The following TMTC3 variants were observed in gnomAD, a reference collection of about 807,000 sequenced individuals.
TMTC3 encodes transmembrane O-mannosyltransferase targeting cadherins 3, also known as protein O-mannosyl-transferase TMTC3.
In TMTC3, 52 loss-of-function variants were observed where a neutral mutation model predicts 92.2. The observed-to-expected ratio is 0.56, with a 90% CI of 0.45 to 0.71. TMTC3 has a LOEUF of 0.71. TMTC3 is among the 30% of genes least tolerant of loss of function. The probability of loss-of-function intolerance (pLI) is 0.00; values close to 1 mark genes in which losing one functional copy is unlikely to be tolerated. For synonymous variants in TMTC3, 339 were observed against 363.3 expected, an observed-to-expected ratio of 0.93 and a Z score of 0.76; for missense variants, 896 against 1,057.1, an observed-to-expected ratio of 0.85 and a Z score of 2.11.
intron 7 of TMTC3, among the ~76,000 whole-genome samples, chr12:88,171,917 A>G (rs2041209237): frequency 6.6e-6 from 1 of 152,040 alleles, no homozygotes; most frequent in Admixed American, 6.6e-5. Context: ...ATGACATCTC[A>G]TTGTGGTTTT....
chr12:88,184,079 G>A (rs750931328), intron 10 of TMTC3, among the ~76,000 whole-genome samples: 2 of 152,142 alleles, frequency 1.3e-5, no homozygotes, highest in Non-Finnish European at 2.9e-5. Context: ...ATGGATGAAA[G>A]AAGTACACTG....
At chr12:88,171,375 C>G (rs1442016960) in intron 7 of TMTC3, among the ~76,000 whole-genome samples, 2 of 152,110 alleles carry the variant, frequency 1.3e-5, no homozygotes, top group African/African-American at 2.4e-5. Flanking sequence ...CCTTCTCCCT[C>G]CAACCCTGGT....
chr12:88,183,999 G>A (rs148272473), intron 10 of TMTC3, among the ~76,000 whole-genome samples: 21 of 152,094 alleles, frequency 1.4e-4, no homozygotes, highest in African/African-American at 4.3e-4. Context: ...GGGTTCCATC[G>A]CAATCCATTG....
intron 6 of TMTC3, among the ~76,000 whole-genome samples, chr12:88,166,001 A>G (rs2041139144): frequency 6.6e-6 from 1 of 152,296 alleles, no homozygotes; most frequent in African/African-American, 2.4e-5. Flanking sequence ...TTTTGTTACT[A>G]CTTTTAATCA....
At chr12:88,150,598 A>AAAT (rs2040930964) in intron 2 of TMTC3, among the ~76,000 whole-genome samples, 1 of 152,194 alleles carries the variant, frequency 6.6e-6, no homozygotes, top group African/African-American at 2.4e-5. Flanking sequence ...ACAGTTTATT[A>AAAT]AGAGTGAAGA....
intron 2 of TMTC3, 86 bp from the exon 3 acceptor site, chr12:88,153,205 A>T (rs2468229): frequency 1.4e-6 from 1 of 725,212 alleles, no homozygotes; most frequent in South Asian, 2.2e-5. Flanking sequence ...AGATATTAAT[A>T]TCTTTAATGG....
chr12:88,158,779 C>T (rs1236593489), intron 4 of TMTC3, among the ~76,000 whole-genome samples: 1 of 152,088 alleles, frequency 6.6e-6, no homozygotes, highest in Non-Finnish European at 1.5e-5. Flanking sequence ...CGGCCGGGCA[C>T]AGTGGCTCAC....
intron 11 of TMTC3, among the ~76,000 whole-genome samples, chr12:88,189,252 C>G (rs1297589414): frequency 6.6e-6 from 1 of 151,940 alleles, no homozygotes; most frequent in East Asian, 1.9e-4. Context: ...TGCCACCACA[C>G]CCGGCTAATT....
chr12:88,174,680 A>T lies in TMTC3; in HGVS notation c.1273A>T (p.Asn425Tyr). Residue 425 changes from asparagine to tyrosine, a missense_variant, in exon 9 of 14, where the codon AAT (asparagine) becomes TAT (tyrosine). Asn to Tyr is a moderately radical substitution (Grantham distance 143, BLOSUM62 -2). Transcript: ENST00000266712. ...LTHSLKTFHR[N>Y]WDWESEYTLF... ...TCATTCCTTAAAAACATTCCACAGA[A>T]ATTGGGATTGGGAGTCTGAATATAC... The T allele has an allele frequency of 6.2e-7, 1 of 1,612,576 alleles. No individual in the cohort carries two copies. Among genetic ancestry groups the T allele is most frequent in the East Asian group, 2.2e-5 (1 of 44,686 alleles).
At chr12:88,148,529 T>A (rs757747842) in intron 2 of TMTC3, 25 bp downstream of exon 2, 2 of 1,477,512 alleles carry the variant, frequency 1.4e-6, no homozygotes, top group South Asian at 2.6e-5. Context: ...ACATATTACT[T>A]GTACATGTCT....
intron 1 of TMTC3, among the ~76,000 whole-genome samples, 184 bp downstream of exon 1, chr12:88,142,671 C>A (rs1319307084): frequency 1.3e-5 from 2 of 152,190 alleles, no homozygotes; most frequent in Admixed American, 6.5e-5. Context: ...AAGGAAAAAA[C>A]AAAAAGTTTT....
chr12:88,152,465 G>A (rs1445268509), intron 2 of TMTC3, among the ~76,000 whole-genome samples: 2 of 152,156 alleles, frequency 1.3e-5, no homozygotes, highest in African/African-American at 4.8e-5. Context: ...TTCAGCATGA[G>A]ATTTGGAGGG....
At chr12:88,191,388 G>C (rs2041440896) in intron 12 of TMTC3, among the ~76,000 whole-genome samples, 1 of 151,720 alleles carries the variant, frequency 6.6e-6, no homozygotes, top group South Asian at 2.1e-4. Flanking sequence ...TAATATTTTG[G>C]ACAAACATTC....
At position 88,166,467 on chromosome 12, in the gene TMTC3, T is replaced by C; in HGVS notation, c.935T>C (p.Ile312Thr). ...TGGACCATGGGAACAATACCACTTA[T>C]AGAGTCATTACTAGATATTCGAAAT... ...CDWTMGTIPLIESLLDIRNLA... is the reference protein window; with the variant it reads ...CDWTMGTIPLTESLLDIRNLA... Residue 312 changes from isoleucine to threonine, a missense_variant, in exon 7 of 14, where the codon ATA (isoleucine) becomes ACA (threonine). Physicochemically the swap from Ile to Thr is moderately conservative, Grantham distance 89. Transcript: ENST00000266712. The C allele has an allele frequency of 1.9e-6, 3 of 1,614,038 alleles. No homozygotes were observed. The highest frequency in any genetic ancestry group is 2.5e-6 in the Non-Finnish European group (3 of 1,179,956).
chr12:88,149,736 T>C (rs546020467), intron 2 of TMTC3, among the ~76,000 whole-genome samples: 1 of 152,342 alleles, frequency 6.6e-6, no homozygotes, highest in Admixed American at 6.5e-5. Context: ...CTTTCATTCC[T>C]CTGATCACAA....
chr12:88,189,104 T>C (rs2041411441), intron 11 of TMTC3, among the ~76,000 whole-genome samples, 158 bp downstream of exon 11: 1 of 151,944 alleles, frequency 6.6e-6, no homozygotes, highest in Non-Finnish European at 1.5e-5. Context: ...ATTTTTTTTT[T>C]TTTTTTGGAG....
intron 9 of TMTC3, 85 bp from the exon 10 acceptor site, chr12:88,176,123 T>C (rs1171996676): frequency 1.1e-5 from 10 of 882,622 alleles, no homozygotes. Flanking sequence ...CATTATTTTC[T>C]TAATAGTATA....
At chr12:88,150,692 A>G (rs1281098046) in intron 2 of TMTC3, among the ~76,000 whole-genome samples, 6 of 152,136 alleles carry the variant, frequency 3.9e-5, no homozygotes, top group Non-Finnish European at 7.4e-5. Context: ...AAATTATTCT[A>G]GGTAATCCTT....
intron 4 of TMTC3, among the ~76,000 whole-genome samples, chr12:88,158,490 AT>A (rs879744424): frequency 2.7e-4 from 39 of 147,008 alleles, no homozygotes; most frequent in Non-Finnish European, 2.4e-4. Flanking sequence ...AGATTATAAG[AT>A]TTTTTTTTTT....
Sources: allele counts gnomAD v4.1 joint callset (sites outside exome capture counted in the v4.1 genomes callset), GRCh38; gene constraint gnomAD v4.1.1; transcripts MANE v1.5; gene names NCBI Gene and HGNC (gene_info 2026-07-23, HGNC 2026-07-21).